GRHL2: variants seen among roughly 807,000 people sequenced by gnomAD.
GRHL2 encodes grainyhead-like protein 2 homolog.
In GRHL2, 21 loss-of-function variants were observed where a neutral mutation model predicts 83.8. The observed-to-expected ratio is 0.25, with a 90% CI of 0.18 to 0.36. The LOEUF is 0.36. Among genes scored for constraint, GRHL2 ranks in the 10% least tolerant of loss-of-function variants. GRHL2 has a pLI of 1.00. For missense variants in GRHL2, 623 were observed against 781.8 expected (o/e 0.80, Z 2.42); for synonymous variants, 280 against 278.9 (o/e 1.00, Z -0.04).
intron 1 of GRHL2, among the ~76,000 whole-genome samples, chr8:101,539,253 C>A (rs116208434): frequency 1.8e-3 from 268 of 152,330 alleles, no homozygotes; most frequent in African/African-American, 5.8e-3. Context: ...GCAATGTGTG[C>A]GTCTCTGAGG....
chr8:101,593,245 TGGC>T (rs1812324459), intron 7 of GRHL2, among the ~76,000 whole-genome samples: 1 of 152,182 alleles, frequency 6.6e-6, no homozygotes, highest in Non-Finnish European at 1.5e-5. Context: ...CACGCCTGGT[TGGC>T]ATAATTTTTT....
At chr8:101,516,353 T>C (rs1249200621) in intron 1 of GRHL2, among the ~76,000 whole-genome samples, 1 of 151,906 alleles carries the variant, frequency 6.6e-6, no homozygotes, top group Non-Finnish European at 1.5e-5. Flanking sequence ...TTTCCCCTAC[T>C]CTTCTCTCTG....
intron 7 of GRHL2, among the ~76,000 whole-genome samples, chr8:101,581,606 ATTAG>A (rs1206085549): frequency 2.0e-5 from 3 of 152,220 alleles, no homozygotes; most frequent in Non-Finnish European, 4.4e-5. Context: ...ATGGCCCCAT[ATTAG>A]TTAGTTAACA....
intron 1 of GRHL2, among the ~76,000 whole-genome samples, chr8:101,531,894 C>T (rs1454081562): frequency 6.6e-6 from 1 of 152,018 alleles, no homozygotes; most frequent in Non-Finnish European, 1.5e-5. Context: ...AAAACGAAAC[C>T]ATCTTAATTT....
At chr8:101,677,289 A>G in the GRHL2 span, among the ~76,000 whole-genome samples, 1 of 152,020 alleles carries the variant, frequency 6.6e-6, no homozygotes, top group Non-Finnish European at 1.5e-5. Flanking sequence ...AACACCCCTC[A>G]TAGACCACTG....
At chr8:101,619,467 T>C in intron 8 of GRHL2, 72 bp from the exon 9 acceptor site, 1 of 1,396,624 alleles carries the variant, frequency 7.2e-7, no homozygotes, top group East Asian at 2.3e-5. Flanking sequence ...TGACTTAAAG[T>C]CTAAAGTTTA....
chr8:101,513,914 T>C (rs894602927), intron 1 of GRHL2, among the ~76,000 whole-genome samples: 6 of 152,204 alleles, frequency 3.9e-5, no homozygotes, highest in African/African-American at 1.4e-4. Context: ...TCCTTGAAGG[T>C]TGCTGGGCCC....
chr8:101,644,104 T>C (rs1404179402), intron 12 of GRHL2, 27 bp from the exon 13 acceptor site: 4 of 1,599,360 alleles, frequency 2.5e-6, no homozygotes, highest in Non-Finnish European at 1.7e-6. Flanking sequence ...CTGGTTTTAC[T>C]TAAGGATTTC....
intron 13 of GRHL2, among the ~76,000 whole-genome samples, chr8:101,647,404 T>TA (rs113006297): frequency 0.38 from 57,020 of 151,572 alleles, 12,119 homozygotes; most frequent in African/African-American, 0.58. Context: ...TGCTGGAAAT[T>TA]CCTTTTTTTT....
intron 5 of GRHL2, among the ~76,000 whole-genome samples, chr8:101,571,694 T>G (rs1293073776): frequency 2.0e-5 from 3 of 152,142 alleles, no homozygotes; most frequent in African/African-American, 7.2e-5. Context: ...TTTACACATA[T>G]GGCCCTTTTC....
intron 14 of GRHL2, among the ~76,000 whole-genome samples, chr8:101,650,752 A>G (rs1471466613): frequency 6.6e-6 from 1 of 152,036 alleles, no homozygotes; most frequent in Non-Finnish European, 1.5e-5. Flanking sequence ...TTGTGAATCT[A>G]CTAAACAGCA....
chr8:101,551,085 G>A (rs1386579348), intron 2 of GRHL2, among the ~76,000 whole-genome samples: 1 of 152,126 alleles, frequency 6.6e-6, no homozygotes, highest in Non-Finnish European at 1.5e-5. Flanking sequence ...GTTGAGTATT[G>A]AAATTGTATG....
intron 8 of GRHL2, among the ~76,000 whole-genome samples, chr8:101,615,107 T>C (rs1172271745): frequency 6.6e-6 from 1 of 152,216 alleles, no homozygotes; most frequent in Non-Finnish European, 1.5e-5. Context: ...CCTAAGTGTC[T>C]CCCGGTGAAG....
chr8:101,678,439 C>T, the GRHL2 span, among the ~76,000 whole-genome samples: 12 of 151,846 alleles, frequency 7.9e-5, no homozygotes, highest in Non-Finnish European at 1.3e-4. Context: ...CCTACGCCCA[C>T]GGAGTCTCGC....
chr8:101,640,534 G>C (rs548073311), intron 12 of GRHL2, among the ~76,000 whole-genome samples: 22 of 152,322 alleles, frequency 1.4e-4, no homozygotes, highest in Admixed American at 1.4e-3. Flanking sequence ...TAATATGCAA[G>C]TTGATATGCA....
chr8:101,560,206 T>G lies in GRHL2; in HGVS notation c.678+1394T>G, dbSNP rs1002595162. Among the ~76,000 whole-genome samples, 9 of 149,518 alleles carry G rather than the reference T, an allele frequency of 6.0e-5. No individual in the cohort carries two copies. In the South Asian group the frequency reaches 1.1e-3, roughly 18 times the overall value. The stretch of plus-strand genomic sequence containing the variant: ...TGTGTGTGTGTGTGTGTGTGTGTGT[T>G]TTTAGTAGAGACAGGGTTTCACCAT... On this transcript the variant is annotated intron_variant, in intron 4 of 15. Transcript: ENST00000646743.
rs369871451 is a variant in GRHL2 at position 101,510,150 on chromosome 8, C to A, written c.20+17361C>A. ...TAGCTGGAACTACAGGCTCACACCA[C>A]CATGCCCAGCTGAATTTTGTATTTT... On this transcript the variant is annotated intron_variant, in intron 1 of 15. Transcript: ENST00000646743. 6.6e-5 allele frequency among the ~76,000 whole-genome samples: 10 copies of A among 152,204 alleles called. No homozygotes were observed. In the East Asian group the frequency reaches 1.3e-3, roughly 21 times the overall value.
chr8:101,504,365 A>C (rs939366699), intron 1 of GRHL2, among the ~76,000 whole-genome samples: 3 of 152,252 alleles, frequency 2.0e-5, no homozygotes, highest in Non-Finnish European at 4.4e-5. Context: ...TAGGTGTATA[A>C]GTTTCCAACA....
intron 2 of GRHL2, among the ~76,000 whole-genome samples, chr8:101,550,075 T>C (rs964658616): frequency 1.3e-5 from 2 of 151,944 alleles, no homozygotes; most frequent in Admixed American, 6.5e-5. Context: ...AAGTTTTTAA[T>C]CTCAATGCCA....
Sources: gnomAD v4.1 joint callset for allele counts (sites outside exome capture counted in the v4.1 genomes callset) on GRCh38, gnomAD v4.1.1 for gene constraint, MANE v1.5 for transcripts, NCBI Gene and HGNC (gene_info 2026-07-23, HGNC 2026-07-21) for gene names.